The following SAXO3 variants were observed in gnomAD, a reference collection of about 807,000 sequenced individuals.
The protein encoded by SAXO3 is stabilizer of axonemal microtubules 3.
At chr19:49,020,336 C>T in the SAXO3 span, 256 of 414,392 alleles carry the variant, frequency 6.2e-4, no homozygotes, top group African/African-American at 4.8e-3. Flanking sequence ...CTTTCTGGGT[C>T]TCCAGGCCCG....
chr19:49,019,813 G>A, the SAXO3 span: 3 of 1,253,280 alleles, frequency 2.4e-6, no homozygotes, highest in Non-Finnish European at 3.2e-6. Context: ...TCTGAGCTGC[G>A]GAAAGGCGAC....
the SAXO3 span, chr19:49,018,286 T>A: frequency 8.7e-7 from 1 of 1,149,092 alleles, no homozygotes; most frequent in Non-Finnish European, 1.1e-6. Context: ...GGGGCGTCTC[T>A]TCGAAGCTCC....
chr19:49,019,594 C>T, the SAXO3 span: 5 of 1,258,338 alleles, frequency 4.0e-6, no homozygotes, highest in East Asian at 1.3e-4. Flanking sequence ...GGCCCCGCCC[C>T]AGGCTCCCGG....
chr19:49,019,748 C>T, the SAXO3 span: 3 of 1,205,406 alleles, frequency 2.5e-6, no homozygotes, highest in East Asian at 6.2e-5. Flanking sequence ...GTGTACTGCG[C>T]CCTCGTCTCG....
the SAXO3 span, chr19:49,019,128 C>A: frequency 2.1e-6 from 3 of 1,429,582 alleles, no homozygotes; most frequent in Admixed American, 5.6e-5. Context: ...GCCCTCACAC[C>A]CCGCCCCAGG....
At chr19:49,019,073 G>A in the SAXO3 span, 1 of 1,459,112 alleles carries the variant, frequency 6.9e-7, no homozygotes, top group African/African-American at 1.4e-5. Context: ...TGGGTCCCGA[G>A]TTCAGAATCC....
At chr19:49,019,595 A>C in the SAXO3 span, 2 of 1,244,214 alleles carry the variant, frequency 1.6e-6, no homozygotes, top group Non-Finnish European at 2.0e-6. Context: ...GCCCCGCCCC[A>C]GGCTCCCGGA....
chr19:49,019,643 ACACCTGGGAAGGACCC>A, the SAXO3 span: 1 of 1,244,690 alleles, frequency 8.0e-7, no homozygotes, highest in African/African-American at 1.6e-5. Flanking sequence ...TTCCACCCAG[ACACCTGGGAAGGACCC>A]CCGCGGTGGT....
the SAXO3 span, chr19:49,020,496 G>A: frequency 3.0e-5 from 12 of 398,756 alleles, no homozygotes; most frequent in Non-Finnish European, 4.9e-5. Context: ...ACAGCCCGGA[G>A]CCAGGGTGCC....
the SAXO3 span, chr19:49,018,108 G>C: frequency 2.5e-6 from 1 of 399,376 alleles, no homozygotes; most frequent in East Asian, 3.6e-5. Flanking sequence ...TCGAGCCGCC[G>C]GAGCGGGTGC....
chr19:49,020,137 A>G, the SAXO3 span: 1 of 712,562 alleles, frequency 1.4e-6, no homozygotes, highest in Non-Finnish European at 2.1e-6. Context: ...CACATCAGCT[A>G]GAAAGACTCA....
the SAXO3 span, chr19:49,018,844 AG>A: frequency 4.0e-6 from 6 of 1,507,382 alleles, no homozygotes; most frequent in Non-Finnish European, 5.3e-6. Context: ...GCTGTGCAGG[AG>A]GCGGTGCCGA....
chr19:49,018,925 G>C, the SAXO3 span: 5 of 1,534,448 alleles, frequency 3.3e-6, no homozygotes, highest in Non-Finnish European at 3.5e-6. Flanking sequence ...AGCTGGCGGC[G>C]GTCCAGGACG....
the SAXO3 span, chr19:49,018,886 G>C: frequency 2.6e-6 from 4 of 1,534,202 alleles, no homozygotes; most frequent in Admixed American, 7.8e-5. Context: ...GGATAGAACC[G>C]AAAGTCCCGC....
At chr19:49,019,569 G>T in the SAXO3 span, 2 of 1,215,944 alleles carry the variant, frequency 1.6e-6, no homozygotes, top group Non-Finnish European at 2.1e-6. Context: ...ACGCCCCAAA[G>T]CCGTGATTCC....
the SAXO3 span, chr19:49,018,977 G>A: frequency 7.8e-6 from 12 of 1,533,500 alleles, no homozygotes; most frequent in Non-Finnish European, 8.7e-6. Flanking sequence ...ACAGCTCGGG[G>A]TTCTTCGTCC....
the SAXO3 span, chr19:49,018,971 C>G: frequency 1.3e-6 from 2 of 1,533,796 alleles, no homozygotes; most frequent in Non-Finnish European, 1.7e-6. Context: ...GGCCAGACAG[C>G]TCGGGGTTCT....
chr19:49,019,315 G>A, the SAXO3 span: 1 of 1,190,418 alleles, frequency 8.4e-7, no homozygotes, highest in South Asian at 3.2e-5. Flanking sequence ...AAACCGTCTT[G>A]GTGTGGCCAC....
At chr19:49,020,290 A>G in the SAXO3 span, 1 of 439,320 alleles carries the variant, frequency 2.3e-6, no homozygotes, top group Non-Finnish European at 4.0e-6. Context: ...TTCAGAGAGG[A>G]GTCCAAGCTC....
Sources: allele counts gnomAD v4.1 joint callset, GRCh38; gene constraint gnomAD v4.1.1; transcripts MANE v1.5; gene names NCBI Gene and HGNC (gene_info 2026-07-23, HGNC 2026-07-21).